Variants in ALCAM observed in about 807,000 individuals in gnomAD.
ALCAM encodes activated leukocyte cell adhesion molecule.
ALCAM carries 30 observed loss-of-function variants against 70.9 expected under a neutral mutation model. The observed-to-expected ratio is 0.42, with a 90% confidence interval of 0.32 to 0.57. The LOEUF is 0.57. Ranked by LOEUF, ALCAM falls within the 20% of genes least tolerant of loss-of-function variation. The pLI is 0.11. For synonymous variants in ALCAM, 249 were observed against 242.5 expected (o/e 1.03, Z -0.25); for missense variants, 591 against 695.1 (o/e 0.85, Z 1.68).
chr3:105,397,586 A>T (rs1457985161), intron 1 of ALCAM, among the ~76,000 whole-genome samples: 1 of 151,926 alleles, frequency 6.6e-6, no homozygotes, highest in Non-Finnish European at 1.5e-5. Flanking sequence ...ATTTTTCATG[A>T]TCAAGCTTTC....
chr3:105,370,294 A>AAT (rs953408290), intron 1 of ALCAM, among the ~76,000 whole-genome samples: 33 of 152,244 alleles, frequency 2.2e-4, no homozygotes, highest in African/African-American at 6.5e-4. Context: ...TTTAACAGCC[A>AAT]ATATATATAT....
At chr3:105,572,248 G>C (rs1255374559) in intron 15 of ALCAM, among the ~76,000 whole-genome samples, 2 of 151,808 alleles carry the variant, frequency 1.3e-5, no homozygotes, top group African/African-American at 2.4e-5. Flanking sequence ...CCCACCCCCT[G>C]ACAGGCCCCA....
intron 1 of ALCAM, among the ~76,000 whole-genome samples, chr3:105,461,653 G>A (rs1467881695): frequency 2.0e-5 from 3 of 151,720 alleles, no homozygotes; most frequent in Non-Finnish European, 3.0e-5. Context: ...AAATAGAGAT[G>A]ATGCTTAGGG....
rs1256190614 is a variant in ALCAM, at chr3:105,516,501, C to T, written c.74-3566C>T. 2.6e-5 allele frequency among the ~76,000 whole-genome samples: 4 copies of T among 151,858 alleles called. No homozygotes were observed. In the East Asian group the frequency reaches 5.8e-4, roughly 22 times the overall value. ...GAGATTTTTCTTTTCCTGTGCTCAC[C>T]GCATTGAATTTCCATTAATACTTCT... On this transcript the variant is annotated intron_variant, in intron 1 of 15. Transcript: ENST00000306107.
At chr3:105,385,230 G>A (rs1415179394) in intron 1 of ALCAM, among the ~76,000 whole-genome samples, 1 of 151,568 alleles carries the variant, frequency 6.6e-6, no homozygotes, top group Non-Finnish European at 1.5e-5. Flanking sequence ...TTATTAACAA[G>A]CCTTATTTTA....
chr3:105,567,863 A>G (rs1419530964), intron 14 of ALCAM, among the ~76,000 whole-genome samples: 2 of 151,874 alleles, frequency 1.3e-5, no homozygotes, highest in African/African-American at 4.8e-5. Context: ...TGTGGGTGAT[A>G]TGTTTTAGAT....
At chr3:105,496,181 T>C (rs1301860647) in intron 1 of ALCAM, among the ~76,000 whole-genome samples, 2 of 152,188 alleles carry the variant, frequency 1.3e-5, no homozygotes, top group Non-Finnish European at 2.9e-5. Flanking sequence ...TATAATTAAA[T>C]ACTTATATTC....
At chr3:105,400,627 A>G (rs1228049504) in intron 1 of ALCAM, among the ~76,000 whole-genome samples, 1 of 152,198 alleles carries the variant, frequency 6.6e-6, no homozygotes, top group African/African-American at 2.4e-5. Flanking sequence ...GGACATACGT[A>G]AAGAGAAGAA....
At chr3:105,525,513 A>G (rs1459065732) in intron 3 of ALCAM, 4 of 262,766 alleles carry the variant, frequency 1.5e-5, no homozygotes, top group South Asian at 1.4e-4. Flanking sequence ...TCACTTTACA[A>G]CTTTTTCCCC....
At position 105,575,041 on chromosome 3, in the gene ALCAM, C is replaced by T. The variant is rs1940931530; in HGVS notation, c.*590C>T. 6.6e-6 allele frequency: 1 copy of T among 152,402 alleles called. No individual in the cohort carries two copies. The highest frequency in any genetic ancestry group is 1.5e-5 in the Non-Finnish European group (1 of 68,016). The allele number at this position is 152,402 out of a possible 1,614,324, so 9.4% of individuals were successfully genotyped here. ...AGGCCGAGAGTCAGACTGATAGACACCATAGGAGCCGACTCTTTGATATGC... is the reference window on the plus strand; with the variant it reads ...AGGCCGAGAGTCAGACTGATAGACATCATAGGAGCCGACTCTTTGATATGC... On this transcript the variant is annotated 3_prime_UTR_variant, in exon 16 of 16. Transcript: ENST00000306107.
intron 3 of ALCAM, chr3:105,525,244 G>A (rs1451795212): frequency 3.0e-6 from 3 of 985,016 alleles, no homozygotes; most frequent in Non-Finnish European, 3.6e-6. Flanking sequence ...GAAAATTGTA[G>A]AAGAAACTTG....
At chr3:105,369,688 C>T (rs1165558065) in intron 1 of ALCAM, among the ~76,000 whole-genome samples, 1 of 152,126 alleles carries the variant, frequency 6.6e-6, no homozygotes, top group Non-Finnish European at 1.5e-5. Context: ...TCCCTGCCGG[C>T]CACTCTTCAT....
chr3:105,526,132 T>C (rs1382969305), intron 3 of ALCAM, among the ~76,000 whole-genome samples: 1 of 152,162 alleles, frequency 6.6e-6, no homozygotes, highest in Non-Finnish European at 1.5e-5. Context: ...GTCACAGCAC[T>C]CTAATGGTTA....
At chr3:105,497,813 C>T (rs373678534) in intron 1 of ALCAM, among the ~76,000 whole-genome samples, 16 of 152,092 alleles carry the variant, frequency 1.1e-4, no homozygotes, top group East Asian at 5.8e-4. Flanking sequence ...GGGCGGATCA[C>T]GAGGTCGGGA....
chr3:105,470,132 T>TATACACACACAC (rs142623980), intron 1 of ALCAM, among the ~76,000 whole-genome samples: 2 of 145,748 alleles, frequency 1.4e-5, no homozygotes, highest in African/African-American at 5.0e-5. Context: ...GTTATATACA[T>TATACACACACAC]ACACACACAC....
At position 105,541,753 on chromosome 3, in the gene ALCAM, A is replaced by G; in HGVS notation, c.979A>G (p.Ile327Val). Reference sequence around the variant, plus strand: ...AAAAAGCATGATTGCTTCAACAGCTATCACAGTTCACTGTAAGTCACCTAC... The same window carrying G: ...AAAAAGCATGATTGCTTCAACAGCTGTCACAGTTCACTGTAAGTCACCTAC... ...DKKSMIASTAITVHYLDLSLN... is the reference protein window; with the variant it reads ...DKKSMIASTAVTVHYLDLSLN... The change falls in exon 8 of 16, where the codon ATC (isoleucine) becomes GTC (valine). Residue 327 changes from isoleucine to valine, a missense_variant. Coordinates refer to ENST00000306107, the MANE Select transcript of ALCAM (RefSeq NM_001627.4). 1 of 1,611,946 alleles carries G rather than the reference A, an allele frequency of 6.2e-7. No homozygotes were observed. The highest frequency in any genetic ancestry group is 8.5e-7 in the Non-Finnish European group (1 of 1,178,590).
intron 1 of ALCAM, among the ~76,000 whole-genome samples, chr3:105,494,711 A>G (rs898314872): frequency 6.7e-6 from 1 of 149,636 alleles, no homozygotes; most frequent in Non-Finnish European, 1.5e-5. Context: ...CCAGGCTGGA[A>G]TGTAACGTCA....
chr3:105,574,431 A>G (rs958141419), intron 15 of ALCAM, 46 bp from the exon 16 acceptor site: 1 of 151,828 alleles, frequency 6.6e-6, no homozygotes, highest in Admixed American at 6.6e-5. Context: ...ATGTTAAAAA[A>G]TTATTGCTTT....
rs1940931388 is a variant in ALCAM at position 105,575,036 on chromosome 3, A to AG, written c.*586dup. ...AGGGGAGGCCGAGAGTCAGACTGATAGACACCATAGGAGCCGACTCTTTGA... is the reference window on the plus strand; with the variant it reads ...AGGGGAGGCCGAGAGTCAGACTGATAGGACACCATAGGAGCCGACTCTTTGA... On this transcript the variant is annotated 3_prime_UTR_variant, in exon 16 of 16. Transcript: ENST00000306107. 1.3e-5 allele frequency: 2 copies of AG among 152,540 alleles called. No individual in the cohort carries two copies. The highest frequency in any genetic ancestry group is 2.9e-5 in the Non-Finnish European group (2 of 68,040). The allele number at this position is 152,540 out of a possible 1,614,324, so 9.4% of individuals were successfully genotyped here.
Sources: gnomAD v4.1 joint callset for allele counts (sites outside exome capture counted in the v4.1 genomes callset) on GRCh38, gnomAD v4.1.1 for gene constraint, MANE v1.5 for transcripts, NCBI Gene and HGNC (gene_info 2026-07-23, HGNC 2026-07-21) for gene names.